The following DBNL variants were observed in gnomAD, a reference collection of about 807,000 sequenced individuals.
The protein encoded by DBNL is drebrin-like protein.
DBNL carries 35 observed loss-of-function variants against 62.2 expected under a neutral mutation model. The observed-to-expected ratio is 0.56, with a 90% CI of 0.43 to 0.75. The LOEUF (loss-of-function observed/expected upper bound fraction) is 0.75, where lower values mean the gene tolerates loss of function less well. Among genes scored for constraint, DBNL ranks in the 30% least tolerant of loss-of-function variants. DBNL has a pLI of 0.00. For missense variants in DBNL, 495 were observed against 578.4 expected (o/e 0.86, Z 1.48); for synonymous variants, 197 against 218.0 (o/e 0.90, Z 0.85).
chr7:44,059,309 TG>T lies in DBNL; in HGVS notation c.836-43del. 1 of 1,592,796 alleles carries T rather than the reference TG, an allele frequency of 6.3e-7. No individual in the cohort carries two copies. Among genetic ancestry groups the T allele is most frequent in the Non-Finnish European group, 8.6e-7 (1 of 1,163,214 alleles). On this transcript the variant is annotated intron_variant, in intron 9 of 12. Transcript: ENST00000448521. This position sits in a 1 kb window ranked among gnomAD's most constrained non-coding sequence, Gnocchi z 4.1. Reference sequence around the variant, plus strand: ...GGGTGCTGTGGGGTGCGTGGGTGTGTGGTGGTGTTTCTGAAGTGATGTATAT... The same window carrying T: ...GGGTGCTGTGGGGTGCGTGGGTGTGTGTGGTGTTTCTGAAGTGATGTATAT...
Position 44,063,181 on chromosome 7 carries a change from G to A in DBNL, c.*2265G>A, listed in dbSNP as rs921671556. The A allele has an allele frequency of 1.6e-5, 9 of 546,180 alleles. No individual in the cohort carries two copies. Among genetic ancestry groups the A allele is most frequent in the Non-Finnish European group, 3.0e-5 (9 of 299,892 alleles). The allele number at this position is 546,180 out of a possible 1,614,324, so 33.8% of individuals were successfully genotyped here. ...CCCACCCAAGTGGCTGTGATCTGTG[G>A]TGGTGCTGTCCATAGTTCCCTCAGC... On this transcript the variant is annotated 3_prime_UTR_variant, in exon 13 of 13. Coordinates refer to ENST00000448521, the MANE Select transcript of DBNL (RefSeq NM_001014436.3).
At chr7:44,052,214 T>C (rs2096127801) in intron 3 of DBNL, among the ~76,000 whole-genome samples, 1 of 152,058 alleles carries the variant, frequency 6.6e-6, no homozygotes, top group Non-Finnish European at 1.5e-5. Flanking sequence ...TGCTCCGTGC[T>C]CTTGAGGGTG....
At chr7:44,052,846 C>A in intron 3 of DBNL, 21 bp from the exon 4 acceptor site, 1 of 1,613,660 alleles carries the variant, frequency 6.2e-7, no homozygotes, top group Middle Eastern at 1.7e-4. Flanking sequence ...CTGGGTCAAC[C>A]TGGGCATCCT....
chr7:44,065,637 A>G lies in DBNL; in HGVS notation c.*4721A>G. On this transcript the variant is annotated 3_prime_UTR_variant, in exon 13 of 13. Coordinates refer to ENST00000448521, the MANE Select transcript of DBNL (RefSeq NM_001014436.3). ...CCCCCACCCACCCCAGCCAACTGCC[A>G]ATCAGCATTCCAGGCGGTGGCAGGT... 9.1e-7 allele frequency: 1 copy of G among 1,103,246 alleles called. No homozygotes were observed. The highest frequency in any genetic ancestry group is 1.4e-6 in the Non-Finnish European group (1 of 739,760). The allele number at this position is 1,103,246 out of a possible 1,614,324, so 68.3% of individuals were successfully genotyped here.
Position 44,063,129 on chromosome 7 carries a change from AGTGGTG to A in DBNL, c.*2214_*2219del. ...ACCAAGCAGCCTACAGAAATAGCCCAGTGGTGAAAAAAATGGGGACTTCAGCCCCAC... is the reference window on the plus strand; with the variant it reads ...ACCAAGCAGCCTACAGAAATAGCCCAAAAAAAATGGGGACTTCAGCCCCAC... On this transcript the variant is annotated 3_prime_UTR_variant, in exon 13 of 13. Transcript: ENST00000448521. 1 of 619,846 alleles carries A rather than the reference AGTGGTG, an allele frequency of 1.6e-6. No homozygotes were observed. The highest frequency in any genetic ancestry group is 1.8e-5 in the South Asian group (1 of 55,610). 38.4% of individuals were successfully genotyped at this position (619,846 alleles called of 1,614,324 possible).
In DBNL at chr7:44,044,705, T is replaced by C. The variant is rs571231467; in HGVS notation, c.-33T>C. The C allele has an allele frequency of 3.4e-6, 5 of 1,466,744 alleles. No homozygotes were observed. In the African/African-American group the frequency reaches 5.9e-5, roughly 17 times the overall value. 90.9% of individuals were successfully genotyped at this position (1,466,744 alleles called of 1,614,324 possible). A position where few individuals can be genotyped will look rare whatever the true frequency, so the allele number is the denominator to read the frequency against. On this transcript the variant is annotated 5_prime_UTR_variant, in exon 1 of 13. Transcript: ENST00000448521. ...GGGCGGCCCGGCCCGGCCCGGAAGC[T>C]ACAGCAGCGGCGCGGAGACTGCGGG...
chr7:44,064,414 G>A lies in DBNL; in HGVS notation c.*3498G>A. The A allele has an allele frequency of 3.5e-6, 1 of 286,932 alleles. No homozygotes were observed. The highest frequency in any genetic ancestry group is 3.4e-5 in the South Asian group (1 of 29,194). 17.8% of individuals were successfully genotyped at this position (286,932 alleles called of 1,614,324 possible). A position where few individuals can be genotyped will look rare whatever the true frequency, so the allele number is the denominator to read the frequency against. ...CGAGGGGTCCAAGCCTACATCAAGA[G>A]GAATTCAGTACCAGGGGGAGCTCCC... On this transcript the variant is annotated 3_prime_UTR_variant, in exon 13 of 13. Coordinates refer to ENST00000448521, the MANE Select transcript of DBNL (RefSeq NM_001014436.3).
chr7:44,065,679 G>GC lies in DBNL; in HGVS notation c.*4764dup, dbSNP rs2096158733. On this transcript the variant is annotated 3_prime_UTR_variant, in exon 13 of 13. Coordinates refer to ENST00000448521, the MANE Select transcript of DBNL (RefSeq NM_001014436.3). Reference sequence around the variant, plus strand: ...GTGGCAGGTGACCAGTAGCTGAGCTGCTGGGGGCTGGGGGCCAGGGGAGTG... The same window carrying GC: ...GTGGCAGGTGACCAGTAGCTGAGCTGCCTGGGGGCTGGGGGCCAGGGGAGTG... The GC allele has an allele frequency of 1.4e-6, 1 of 721,136 alleles. No individual in the cohort carries two copies. Among genetic ancestry groups the GC allele is most frequent in the African/African-American group, 1.7e-5 (1 of 57,988 alleles). The allele number at this position is 721,136 out of a possible 1,614,324, so 44.7% of individuals were successfully genotyped here.
At position 44,064,772 on chromosome 7, in the gene DBNL, G is replaced by A. The variant is rs1317711279; in HGVS notation, c.*3856G>A. 3 of 1,442,512 alleles carry A rather than the reference G, an allele frequency of 2.1e-6. No homozygotes were observed. The highest frequency in any genetic ancestry group is 1.2e-5 in the South Asian group (1 of 82,454). 89.4% of individuals were successfully genotyped at this position (1,442,512 alleles called of 1,614,324 possible). ...CATGGGCGAGAGACTTTGCTGAGAT[G>A]AGAAGCCAGCTGGGGCTGCTGCCCA... On this transcript the variant is annotated 3_prime_UTR_variant, in exon 13 of 13. Coordinates refer to ENST00000448521, the MANE Select transcript of DBNL (RefSeq NM_001014436.3).
chr7:44,044,855 G>A (rs1423590346), intron 1 of DBNL, 35 bp downstream of exon 1: 1 of 1,418,308 alleles, frequency 7.1e-7, no homozygotes, highest in South Asian at 1.4e-5. Context: ...CGGGCCAGGG[G>A]CTGCCTCAGG....
Position 44,060,970 on chromosome 7 carries a change from G to T in DBNL, c.*54G>T. On this transcript the variant is annotated 3_prime_UTR_variant, in exon 13 of 13. Transcript: ENST00000448521. The surrounding 1 kb of genome is among the most constrained non-coding windows in gnomAD (Gnocchi z 6.3). ...CTCAGACATGGCTTCCTTATTGCTG[G>T]AAGAGGAGGCCTGGGAGTTGACATT... is the stretch of plus-strand genomic sequence containing the variant. The T allele has an allele frequency of 6.3e-7, 1 of 1,588,418 alleles. No individual in the cohort carries two copies.
intron 4 of DBNL, among the ~76,000 whole-genome samples, chr7:44,053,183 G>A (rs570157671): frequency 6.6e-6 from 1 of 152,350 alleles, no homozygotes; most frequent in Non-Finnish European, 1.5e-5. Flanking sequence ...CAGGATAAAG[G>A]ACTATGCTGG....
chr7:44,058,141 A>G lies in DBNL; in HGVS notation c.565A>G (p.Asn189Asp), dbSNP rs2096140061. 1 of 1,556,276 alleles carries G rather than the reference A, an allele frequency of 6.4e-7. No individual in the cohort carries two copies. Among genetic ancestry groups the G allele is most frequent in the African/African-American group, 1.4e-5 (1 of 73,506 alleles). The change falls in exon 7 of 13, where the codon AAC becomes GAC. Residue 189 changes from asparagine to aspartate, a missense_variant. By Grantham distance (23) the Asn-to-Asp change is conservative. Coordinates refer to ENST00000448521, the MANE Select transcript of DBNL (RefSeq NM_001014436.3). ...GCTCTCCCTGCAGAAGGAGGAGGAG[A>G]ACCGTCGGCTGGAGGAAAAGCGGCG... ...FWAKAEKEEENRRLEEKRRAE... is the reference protein window; with the variant it reads ...FWAKAEKEEEDRRLEEKRRAE...
In DBNL at chr7:44,062,370, G is replaced by A. The variant is rs900401546; in HGVS notation, c.*1454G>A. On this transcript the variant is annotated 3_prime_UTR_variant, in exon 13 of 13. Coordinates refer to ENST00000448521, the MANE Select transcript of DBNL (RefSeq NM_001014436.3). ...TTGCAAGGACAGCAGAGGACCACCTGCCCTCTGCAGGAAGCTGTCCAGGAA... is the reference window on the plus strand; with the variant it reads ...TTGCAAGGACAGCAGAGGACCACCTACCCTCTGCAGGAAGCTGTCCAGGAA... 1.0e-5 allele frequency: 3 copies of A among 287,724 alleles called. No individual in the cohort carries two copies. In the East Asian group the frequency reaches 2.6e-4, roughly 25 times the overall value. The allele number at this position is 287,724 out of a possible 1,614,324, so 17.8% of individuals were successfully genotyped here. A position where few individuals can be genotyped will look rare whatever the true frequency, so the allele number is the denominator to read the frequency against.
chr7:44,058,551 G>C, intron 8 of DBNL, 71 bp downstream of exon 8: 1 of 1,581,594 alleles, frequency 6.3e-7, no homozygotes. Context: ...CTCGGATTGA[G>C]GGCCCAGCCC....
intron 1 of DBNL, among the ~76,000 whole-genome samples, chr7:44,048,390 CTTGT>C (rs1462222261): frequency 1.3e-5 from 2 of 152,366 alleles, no homozygotes; most frequent in Non-Finnish European, 2.9e-5. Flanking sequence ...AAATCTTTCT[CTTGT>C]TTTTCTGTGT....
Position 44,056,918 on chromosome 7 carries a change from C to T in DBNL, c.474+15C>T. 3.7e-6 allele frequency: 6 copies of T among 1,612,992 alleles called. No homozygotes were observed. Among genetic ancestry groups the T allele is most frequent in the East Asian group, 2.2e-5 (1 of 44,868 alleles). ...AGGCCCCAGTGGTGAGTGCTGCTTG[C>T]CCATCGCCAGCCCTTTTGTTGCTCA... On this transcript the variant is annotated intron_variant, in intron 5 of 12. Coordinates refer to ENST00000448521, the MANE Select transcript of DBNL (RefSeq NM_001014436.3).
Position 44,064,545 on chromosome 7 carries a change from T to C in DBNL, c.*3629T>C, listed in dbSNP as rs887518752. 1 of 483,848 alleles carries C rather than the reference T, an allele frequency of 2.1e-6. No individual in the cohort carries two copies. Among genetic ancestry groups the C allele is most frequent in the Non-Finnish European group, 3.8e-6 (1 of 263,830 alleles). The allele number at this position is 483,848 out of a possible 1,614,324, so 30.0% of individuals were successfully genotyped here. On this transcript the variant is annotated 3_prime_UTR_variant, in exon 13 of 13. Transcript: ENST00000448521. ...ATGCTCTAAGCCCAGCCCTTCCGTT[T>C]CCTAGCTGGGTGTCCCTTGGCAGAT...
chr7:44,064,797 A>AGCCCCCGCCCCAGTATGGGGG lies in DBNL; in HGVS notation c.*3881_*3882insGCCCCCGCCCCAGTATGGGGG. 1 of 633,308 alleles carries AGCCCCCGCCCCAGTATGGGGG rather than the reference A, an allele frequency of 1.6e-6. No homozygotes were observed. 39.2% of individuals were successfully genotyped at this position (633,308 alleles called of 1,614,324 possible). On this transcript the variant is annotated 3_prime_UTR_variant, in exon 13 of 13. Coordinates refer to ENST00000448521, the MANE Select transcript of DBNL (RefSeq NM_001014436.3). ...GAGAAGCCAGCTGGGGCTGCTGCCC[A>AGCCCCCGCCCCAGTATGGGGG]CCCACCCTGCCCAGGCTCCTGAAGG...
Sources: gnomAD v4.1 joint callset for allele counts (sites outside exome capture counted in the v4.1 genomes callset) on GRCh38, gnomAD v4.1.1 for gene constraint, Gnocchi (gnomAD v3.1) non-coding constraint, MANE v1.5 for transcripts, NCBI Gene and HGNC (gene_info 2026-07-23, HGNC 2026-07-21) for gene names.